The following DLGAP2 variants were observed in gnomAD, a reference collection of about 807,000 sequenced individuals.
DLGAP2 encodes the protein disks large-associated protein 2.
In DLGAP2, 26 loss-of-function variants were observed where a neutral mutation model predicts 100.3. The observed-to-expected ratio is 0.26, with a 90% confidence interval of 0.19 to 0.36. The LOEUF (loss-of-function observed/expected upper bound fraction) is 0.36, where lower values mean the gene tolerates loss of function less well. Ranked by LOEUF, DLGAP2 falls within the 10% of genes least tolerant of loss-of-function variation. The probability of loss-of-function intolerance (pLI) is 1.00; values close to 1 mark genes in which losing one functional copy is unlikely to be tolerated. For synonymous variants in DLGAP2, 886 were observed against 630.1 expected (o/e 1.41, Z -6.08); for missense variants, 1,858 against 1,453.2 (o/e 1.28, Z -4.53).
At chr8:823,310 CATTATTATTATT>C (rs5888817) in intron 1 of DLGAP2, among the ~76,000 whole-genome samples, 5 of 148,438 alleles carry the variant, frequency 3.4e-5, no homozygotes, top group African/African-American at 7.5e-5. Flanking sequence ...AGCTTGAATT[CATTATTATTATT>C]ATTATTATTA....
At chr8:1,287,439 GGT>G (rs1799951843) in intron 3 of DLGAP2, among the ~76,000 whole-genome samples, 1 of 119,666 alleles carries the variant, frequency 8.4e-6, no homozygotes, top group Non-Finnish European at 1.7e-5. Context: ...GTGTGTGTGT[GGT>G]TGTTAGGAGG....
chr8:1,647,785 T>C (rs1798076758), intron 8 of DLGAP2, among the ~76,000 whole-genome samples: 1 of 152,174 alleles, frequency 6.6e-6, no homozygotes, highest in African/African-American at 2.4e-5. Context: ...CTGCCTGGCT[T>C]ATGAACCCCA....
intron 2 of DLGAP2, among the ~76,000 whole-genome samples, chr8:993,787 CTTTTTTTTTTTT>C (rs534659471): frequency 6.7e-4 from 43 of 64,168 alleles, no homozygotes; most frequent in Non-Finnish European, 9.0e-4. Flanking sequence ...AACTGATTGG[CTTTTTTTTTTTT>C]TTTTTTTTTT....
chr8:979,053 G>A (rs1473760433), intron 2 of DLGAP2, among the ~76,000 whole-genome samples: 2 of 152,114 alleles, frequency 1.3e-5, no homozygotes, highest in African/African-American at 2.4e-5. Context: ...GAGTGTTCAG[G>A]AGCATGCAGT....
chr8:1,448,704 T>TTTGCTATTG (rs1376024065), intron 3 of DLGAP2, among the ~76,000 whole-genome samples: 3 of 152,204 alleles, frequency 2.0e-5, no homozygotes, highest in Non-Finnish European at 4.4e-5. Context: ...TTGATAGTTC[T>TTTGCTATTG]TTGCTATTGT....
chr8:1,625,740 A>T (rs1797474028), intron 6 of DLGAP2, among the ~76,000 whole-genome samples: 1 of 152,264 alleles, frequency 6.6e-6, no homozygotes, highest in Non-Finnish European at 1.5e-5. Flanking sequence ...CTTTTTTAAA[A>T]ATATGGAATG....
chr8:1,327,120 G>A (rs1801039882), intron 3 of DLGAP2, among the ~76,000 whole-genome samples: 1 of 152,246 alleles, frequency 6.6e-6, no homozygotes, highest in African/African-American at 2.4e-5. Context: ...AGCGGAGCCT[G>A]CCTTCCATCC....
intron 3 of DLGAP2, among the ~76,000 whole-genome samples, chr8:1,351,561 G>A (rs1801725534): frequency 1.3e-5 from 1 of 78,764 alleles, no homozygotes; most frequent in Non-Finnish European, 2.7e-5. Flanking sequence ...TGGAAAGGAC[G>A]TGCGGGTCCT....
intron 2 of DLGAP2, among the ~76,000 whole-genome samples, chr8:1,250,796 TATTA>T (rs1236641539): frequency 6.6e-6 from 1 of 152,172 alleles, no homozygotes; most frequent in South Asian, 2.1e-4. Flanking sequence ...ACACACGATT[TATTA>T]ATTAACATTG....
chr8:1,633,978 C>T (rs1797711746), intron 8 of DLGAP2, among the ~76,000 whole-genome samples: 1 of 152,128 alleles, frequency 6.6e-6, no homozygotes, highest in Admixed American at 6.5e-5. Flanking sequence ...TGGTTTGTTT[C>T]AATGCTAAAG....
At chr8:1,148,540 T>C (rs1796644996) in intron 2 of DLGAP2, among the ~76,000 whole-genome samples, 2 of 142,476 alleles carry the variant, frequency 1.4e-5, no homozygotes, top group Admixed American at 7.3e-5. Flanking sequence ...TAGACTTTTA[T>C]CTTCTAATAT....
chr8:1,172,779 A>G (rs1797156817), intron 2 of DLGAP2, among the ~76,000 whole-genome samples: 1 of 152,068 alleles, frequency 6.6e-6, no homozygotes. Context: ...CTAGTTATAC[A>G]TTCTTCTAAA....
At position 797,460 on chromosome 8, in the gene DLGAP2, A is replaced by G. The variant is rs139433615; in HGVS notation, c.18+59635A>G. ...TTTCGCCTTTCCATTCTCTGGATGG[A>G]CTCCTGGCTGTTGGGAATTTGAGGC... On this transcript the variant is annotated intron_variant, in intron 1 of 14. Transcript: ENST00000637795. 6.0e-3 allele frequency among the ~76,000 whole-genome samples: 906 copies of G among 151,940 alleles called. 7 individuals carry two copies. The highest frequency in any genetic ancestry group is 0.021 in the African/African-American group (868 of 41,410).
chr8:1,186,353 C>T (rs145859218), intron 2 of DLGAP2, among the ~76,000 whole-genome samples: 5 of 152,292 alleles, frequency 3.3e-5, no homozygotes, highest in East Asian at 3.9e-4. Context: ...TAACCAGCAT[C>T]GACATAGAAT....
At chr8:1,462,022 G>A (rs1241691751) in intron 3 of DLGAP2, among the ~76,000 whole-genome samples, 1 of 57,392 alleles carries the variant, frequency 1.7e-5, no homozygotes, top group Non-Finnish European at 3.0e-5. Context: ...TGGGCTGGGT[G>A]CAGTCGCTGA....
At chr8:1,270,674 GTC>G (rs1245079904) in intron 3 of DLGAP2, among the ~76,000 whole-genome samples, 4 of 150,436 alleles carry the variant, frequency 2.7e-5, no homozygotes. Context: ...CTCTGTGTGT[GTC>G]TCTCTATTTA....
At chr8:808,186 T>G (rs1196045258) in intron 1 of DLGAP2, among the ~76,000 whole-genome samples, 1 of 152,166 alleles carries the variant, frequency 6.6e-6, no homozygotes, top group Non-Finnish European at 1.5e-5. Flanking sequence ...AGGCCTCTGA[T>G]TTCAGCATCA....
At chr8:848,932 TTCCAGCATAGGAACGCGCGGTGCCTG>T in intron 1 of DLGAP2, among the ~76,000 whole-genome samples, 1 of 151,080 alleles carries the variant, frequency 6.6e-6, no homozygotes, top group Non-Finnish European at 1.5e-5. Context: ...GCGGTGCCTG[TTCCAGCATAGGAACGCGCGGTGCCTG>T]TTCCAGCATA....
intron 3 of DLGAP2, among the ~76,000 whole-genome samples, chr8:1,305,307 C>G (rs1325198603): frequency 6.6e-6 from 1 of 152,184 alleles, no homozygotes; most frequent in Non-Finnish European, 1.5e-5. Context: ...TCTTCAGTGG[C>G]TGTTGTTTCT....
Sources: gnomAD v4.1 joint callset for allele counts (sites outside exome capture counted in the v4.1 genomes callset) on GRCh38, gnomAD v4.1.1 for gene constraint, MANE v1.5 for transcripts, NCBI Gene and HGNC (gene_info 2026-07-23, HGNC 2026-07-21) for gene names.